HSPA12B: variants seen among roughly 807,000 people sequenced by gnomAD.
HSPA12B encodes the protein heat shock protein family A (Hsp70) member 12B.
Under a neutral mutation model 69.3 loss-of-function variants are expected in HSPA12B, and 54 were observed. The ratio of observed to expected loss-of-function variants is 0.78; its 90% CI spans 0.63 to 0.98. The LOEUF is 0.98. HSPA12B is among the 50% of genes least tolerant of loss of function. The pLI is 0.00. For synonymous variants in HSPA12B, 441 were observed against 436.5 expected, an observed-to-expected ratio of 1.01 and a Z score of -0.13; for missense variants, 929 against 999.8, an observed-to-expected ratio of 0.93 and a Z score of 0.96.
At chr20:3,736,874 T>C (rs1056560085) in intron 1 of HSPA12B, among the ~76,000 whole-genome samples, 4 of 152,068 alleles carry the variant, frequency 2.6e-5, no homozygotes, top group African/African-American at 9.7e-5. Flanking sequence ...AATACAAAAA[T>C]TAGCCAGGCA....
chr20:3,752,361 A>G lies in HSPA12B; in HGVS notation c.*195A>G, dbSNP rs1049902263. On this transcript the variant is annotated 3_prime_UTR_variant, in exon 13 of 13. Coordinates refer to ENST00000254963, the MANE Select transcript of HSPA12B (RefSeq NM_052970.5). ...CCAGAGACTGGCTTTGGGATTGGGC[A>G]CTGGTCCGCTGACTGCCAGGCTGAA... 1.4e-4 allele frequency: 75 copies of G among 528,280 alleles called. No individual in the cohort carries two copies. The highest frequency in any genetic ancestry group is 1.2e-3 in the African/African-American group (62 of 49,782). The allele number at this position is 528,280 out of a possible 1,614,324, so 32.7% of individuals were successfully genotyped here. A position where few individuals can be genotyped will look rare whatever the true frequency, so the allele number is the denominator to read the frequency against.
At position 3,745,875 on chromosome 20, in the gene HSPA12B, T is replaced by G; in HGVS notation, c.559-40T>G. On this transcript the variant is annotated intron_variant, in intron 6 of 12. Transcript: ENST00000254963. This position sits in a 1 kb window ranked among gnomAD's most constrained non-coding sequence, Gnocchi z 5.6. Reference sequence around the variant, plus strand: ...GCAGAGGGCTGAAGACCACCCTCCCTCCAAGCCAGCTTTCCTCTCACTGCC... The same window carrying G: ...GCAGAGGGCTGAAGACCACCCTCCCGCCAAGCCAGCTTTCCTCTCACTGCC... 6.4e-7 allele frequency: 1 copy of G among 1,569,844 alleles called. No homozygotes were observed. The highest frequency in any genetic ancestry group is 8.8e-7 in the Non-Finnish European group (1 of 1,139,668).
intron 11 of HSPA12B, 113 bp from the exon 12 acceptor site, chr20:3,750,691 G>A: frequency 2.5e-6 from 4 of 1,585,310 alleles, no homozygotes; most frequent in African/African-American, 1.3e-5. Context: ...TGCAGTCGGT[G>A]CCCAGGCACT....
rs1003976522 is a variant in HSPA12B at position 3,745,445 on chromosome 20, G to T, written c.454-48G>T. 7.4e-7 allele frequency: 1 copy of T among 1,342,716 alleles called. No individual in the cohort carries two copies. The highest frequency in any genetic ancestry group is 1.4e-5 in the African/African-American group (1 of 69,366). 83.2% of individuals were successfully genotyped at this position (1,342,716 alleles called of 1,614,324 possible). Reference sequence around the variant, plus strand: ...TTTAAGAGCGAGGTCGTCAGGAAATGAGTGCCAAGCTGAGGCCTCCTGCAG... The same window carrying T: ...TTTAAGAGCGAGGTCGTCAGGAAATTAGTGCCAAGCTGAGGCCTCCTGCAG... On this transcript the variant is annotated intron_variant, in intron 5 of 12. Transcript: ENST00000254963. This position sits in a 1 kb window ranked among gnomAD's most constrained non-coding sequence, Gnocchi z 5.6.
intron 1 of HSPA12B, among the ~76,000 whole-genome samples, chr20:3,733,450 G>T (rs561272930): frequency 6.6e-6 from 1 of 152,206 alleles, no homozygotes; most frequent in East Asian, 1.9e-4. Context: ...GTAATGGGGG[G>T]CTGTGGGCAG....
chr20:3,751,153 T>C (rs1013684034), intron 12 of HSPA12B: 1 of 784,150 alleles, frequency 1.3e-6, no homozygotes, highest in South Asian at 5.8e-5. Context: ...GGTGATAGTA[T>C]TGGGTTCTCA....
At position 3,749,314 on chromosome 20, in the gene HSPA12B, A is replaced by T. The variant is rs758685794; in HGVS notation, c.933A>T (p.Gln311His). The stretch of plus-strand genomic sequence containing the variant: ...TAGGAGAGCTGTGGGCAGAGATGCA[A>T]GCAGGTAGGGGGAAAGGGGGACGGA... Reference protein sequence around the residue: ...SGVGELWAEMQAGDRYVVADC... With the variant: ...SGVGELWAEMHAGDRYVVADC... Residue 311 changes from glutamine (Q) to histidine (H), a missense_variant, in exon 9 of 13, where the codon CAA becomes CAT. Gln to His is a conservative substitution (Grantham distance 24). This residue lies in a region of HSPA12B where 477 missense variants were observed against 535.2 expected (regional missense o/e 0.89). Coordinates refer to ENST00000254963, the MANE Select transcript of HSPA12B (RefSeq NM_052970.5). The surrounding 1 kb of genome is among the most constrained non-coding windows in gnomAD (Gnocchi z 5.5). 5 of 1,613,016 alleles carry T rather than the reference A, an allele frequency of 3.1e-6. No individual in the cohort carries two copies. Among genetic ancestry groups the T allele is most frequent in the African/African-American group, 2.7e-5 (2 of 74,888 alleles).
At chr20:3,735,327 C>A (rs1053101474) in intron 1 of HSPA12B, among the ~76,000 whole-genome samples, 2 of 152,188 alleles carry the variant, frequency 1.3e-5, no homozygotes, top group Non-Finnish European at 2.9e-5. Flanking sequence ...TCTTGCCATC[C>A]CTGAAACCCC....
intron 11 of HSPA12B, 133 bp downstream of exon 11, chr20:3,750,360 G>A (rs1485581368): frequency 7.8e-6 from 8 of 1,023,318 alleles, no homozygotes; most frequent in South Asian, 1.8e-5. Flanking sequence ...CCAGCAGGGC[G>A]TCGGGGTGGG....
rs764833212 is a variant in HSPA12B at position 3,742,299 on chromosome 20, G to A, written c.157G>A (p.Ala53Thr). The A allele has an allele frequency of 6.2e-7, 1 of 1,613,930 alleles. No individual in the cohort carries two copies. Among genetic ancestry groups the A allele is most frequent in the South Asian group, 1.1e-5 (1 of 91,066 alleles). Residue 53 changes from alanine (A) to threonine (T), a missense_variant, in exon 4 of 13, where the codon GCC (alanine) becomes ACC (threonine). Coordinates refer to ENST00000254963, the MANE Select transcript of HSPA12B (RefSeq NM_052970.5). ...GCACTTGCAGAAACCCGAGGTCCGA[G>A]CCCCCCAGCAGGCCTCCTTCTCTGT... Reference protein sequence around the residue: ...PSQSPKPEVRAPQQASFSVVV... With the variant: ...PSQSPKPEVRTPQQASFSVVV...
Position 3,745,523 on chromosome 20 carries a change from G to T in HSPA12B, c.484G>T (p.Val162Leu), listed in dbSNP as rs1371061160. ...DLTLKTQLEA[V>L]NGKTMPALEV... ...CACCTTGAAGACCCAGCTAGAGGCA[G>T]TAAATGGAAAGACGATGCCCGCCCT... Residue 162 changes from valine (V) to leucine (L), a missense_variant, in exon 6 of 13, where the codon GTA becomes TTA. This residue lies in a region of HSPA12B where 477 missense variants were observed against 535.2 expected (regional missense o/e 0.89). Coordinates refer to ENST00000254963, the MANE Select transcript of HSPA12B (RefSeq NM_052970.5). The surrounding 1 kb of genome is among the most constrained non-coding windows in gnomAD (Gnocchi z 5.6). 3.1e-6 allele frequency: 5 copies of T among 1,614,196 alleles called. No homozygotes were observed. The highest frequency in any genetic ancestry group is 4.2e-6 in the Non-Finnish European group (5 of 1,180,026).
intron 1 of HSPA12B, among the ~76,000 whole-genome samples, chr20:3,735,757 C>T (rs925793795): frequency 1.3e-5 from 2 of 152,072 alleles, no homozygotes; most frequent in South Asian, 2.1e-4. Flanking sequence ...TGAGCCACGG[C>T]GCCCGGCCCA....
In HSPA12B at chr20:3,732,721, G is replaced by A. The variant is rs1376011453; in HGVS notation, c.-91G>A. 1 of 151,838 alleles carries A rather than the reference G, an allele frequency of 6.6e-6. No individual in the cohort carries two copies. The highest frequency in any genetic ancestry group is 1.9e-4 in the East Asian group (1 of 5,154). The allele number at this position is 151,838 out of a possible 1,614,324, so 9.4% of individuals were successfully genotyped here. ...CACGTCGAGGGCTGCGGCCGCCGCA[G>A]CGGGCACGGCCAACGAGCTGCGGGC... On this transcript the variant is annotated 5_prime_UTR_variant, in exon 1 of 13. Coordinates refer to ENST00000254963, the MANE Select transcript of HSPA12B (RefSeq NM_052970.5).
Position 3,752,090 on chromosome 20 carries a change from C to T in HSPA12B, c.1985C>T (p.Thr662Ile). 1 of 1,521,638 alleles carries T rather than the reference C, an allele frequency of 6.6e-7. No homozygotes were observed. Among genetic ancestry groups the T allele is most frequent in the South Asian group, 1.2e-5 (1 of 81,584 alleles). The allele number at this position is 1,521,638 out of a possible 1,614,324, so 94.3% of individuals were successfully genotyped here. Residue 662 changes from threonine to isoleucine, a missense_variant, in exon 13 of 13, where the codon ACC becomes ATC. Physicochemically the swap from Thr to Ile is moderately conservative, Grantham distance 89. This residue lies in a region of HSPA12B where 448 missense variants were observed against 448.1 expected (regional missense o/e 1.00). Coordinates refer to ENST00000254963, the MANE Select transcript of HSPA12B (RefSeq NM_052970.5). ...CGCGCCGCCATGCAGTTTGGCGACA[C>T]CGAAATTAAGGTCACCGCCGTCGAC... The part of the protein sequence containing the change: ...EIRAAMQFGD[T>I]EIKVTAVDVS...
At chr20:3,750,264 C>T (rs747041765) in intron 11 of HSPA12B, 37 bp downstream of exon 11, 2 of 1,548,544 alleles carry the variant, frequency 1.3e-6, no homozygotes, top group South Asian at 1.2e-5. Context: ...CAGGGTTTGC[C>T]GACCCGGGAA....
chr20:3,748,421 C>A, intron 8 of HSPA12B, 30 bp downstream of exon 8: 2 of 1,528,500 alleles, frequency 1.3e-6, no homozygotes, highest in South Asian at 1.2e-5. Context: ...ACCACCCACC[C>A]CTGGAGGGTC....
At position 3,738,707 on chromosome 20, in the gene HSPA12B, G is replaced by T. The variant is rs1424611565; in HGVS notation, c.33G>T (p.Gly11=). ...CTGTCCCGGAGATGGGCCTGCAGGGGCTGTACATCGGTAAGAACCCCCACC... is the reference window on the plus strand; with the variant it reads ...CTGTCCCGGAGATGGGCCTGCAGGGTCTGTACATCGGTAAGAACCCCCACC... MLAVPEMGLQ[G]LYIGSSPERS... is the part of the protein sequence containing the mutation. Residue 11 remains glycine, a synonymous_variant, in exon 2 of 13, where the codon GGG becomes GGT. Transcript: ENST00000254963. 4 of 1,614,160 alleles carry T rather than the reference G, an allele frequency of 2.5e-6. No individual in the cohort carries two copies. In the African/African-American group the frequency reaches 4.0e-5, roughly 16 times the overall value.
chr20:3,734,327 C>A (rs1291256551), intron 1 of HSPA12B, among the ~76,000 whole-genome samples: 1 of 152,122 alleles, frequency 6.6e-6, no homozygotes, highest in African/African-American at 2.4e-5. Flanking sequence ...GAAGTCAGGG[C>A]CAGGGGTCAG....
chr20:3,740,675 C>T lies in HSPA12B; in HGVS notation c.44-140C>T, dbSNP rs1242552079. 1.7e-5 allele frequency: 12 copies of T among 686,856 alleles called. No homozygotes were observed. Among genetic ancestry groups the T allele is most frequent in the East Asian group, 2.7e-5 (1 of 36,728 alleles). The allele number at this position is 686,856 out of a possible 1,614,324, so 42.5% of individuals were successfully genotyped here. A position where few individuals can be genotyped will look rare whatever the true frequency, so the allele number is the denominator to read the frequency against. On this transcript the variant is annotated intron_variant, in intron 2 of 12. Coordinates refer to ENST00000254963, the MANE Select transcript of HSPA12B (RefSeq NM_052970.5). The surrounding 1 kb of genome is among the most constrained non-coding windows in gnomAD (Gnocchi z 4.9). ...CGTCATGTGTGTCTTTCCTACACCC[C>T]GCAGTCCTCCTCCCCAGCAGAGAGC...
Sources: gnomAD v4.1 joint callset for allele counts (sites outside exome capture counted in the v4.1 genomes callset) on GRCh38, gnomAD v4.1.1 for gene constraint, gnomAD v4.1.1 regional missense constraint, Gnocchi (gnomAD v3.1) non-coding constraint, MANE v1.5 for transcripts, NCBI Gene and HGNC (gene_info 2026-07-23, HGNC 2026-07-21) for gene names.